The following SNTB2 variants were observed in gnomAD, a reference collection of about 807,000 sequenced individuals.
SNTB2 encodes beta-2-syntrophin.
SNTB2 carries 34 observed loss-of-function variants against 46.2 expected under a neutral mutation model. The ratio of observed to expected loss-of-function variants is 0.74; its 90% CI spans 0.56 to 0.98. The LOEUF (loss-of-function observed/expected upper bound fraction) is 0.98. SNTB2 is among the 50% of genes least tolerant of loss of function. SNTB2 has a pLI of 0.00. For missense variants in SNTB2, 603 were observed against 731.4 expected (o/e 0.82, Z 2.02); for synonymous variants, 290 against 312.6 (o/e 0.93, Z 0.76).
At chr16:69,233,346 C>G (rs998353363) in intron 1 of SNTB2, among the ~76,000 whole-genome samples, 2 of 152,094 alleles carry the variant, frequency 1.3e-5, no homozygotes, top group Admixed American at 6.6e-5. Context: ...CCCAGTTCTT[C>G]AGACAAAATA....
chr16:69,263,902 GC>G, intron 3 of SNTB2, among the ~76,000 whole-genome samples: 1 of 145,000 alleles, frequency 6.9e-6, no homozygotes, highest in Non-Finnish European at 1.5e-5. Context: ...TCACTCTGTT[GC>G]CCAGAGTCTC....
intron 2 of SNTB2, among the ~76,000 whole-genome samples, chr16:69,257,226 T>G (rs1488948540): frequency 6.6e-6 from 1 of 150,776 alleles, no homozygotes; most frequent in Non-Finnish European, 1.5e-5. Context: ...CTATTCAAGA[T>G]CCTCTAAATT....
chr16:69,225,900 T>C lies in SNTB2; in HGVS notation c.581-19702T>C, dbSNP rs576126975. Among the ~76,000 whole-genome samples, 6 of 152,100 alleles carry C rather than the reference T, an allele frequency of 3.9e-5. No individual in the cohort carries two copies. The South Asian group carries it at 1.2e-3, about 32-fold the overall frequency. On this transcript the variant is annotated intron_variant, in intron 1 of 6. Coordinates refer to ENST00000336278, the MANE Select transcript of SNTB2 (RefSeq NM_006750.4). ...CTCCTACCTCGGCCTCCTGAGTAGC[T>C]GGGATTACAGGCGCCCGTCTCCACA...
rs1157170032 is a variant in SNTB2 at position 69,187,360 on chromosome 16, C to T, written c.194C>T (p.Pro65Leu). Residue 65 changes from proline (P) to leucine (L), a missense_variant, in exon 1 of 7, where the codon CCC becomes CTC. Pro to Leu is a moderately conservative substitution (Grantham distance 98). Coordinates refer to ENST00000336278, the MANE Select transcript of SNTB2 (RefSeq NM_006750.4). ...GCCGAGCTGGAGCCCGCTCTGGGAC[C>T]CGCGGCCGCCGCCTTCAACGGCCTC... ...AAAELEPALGPAAAAFNGLPN... is the reference protein window; with the variant it reads ...AAAELEPALGLAAAAFNGLPN... 13 of 1,395,700 alleles carry T rather than the reference C, an allele frequency of 9.3e-6. No homozygotes were observed. Among genetic ancestry groups the T allele is most frequent in the African/African-American group, 1.5e-5 (1 of 66,996 alleles). 86.5% of individuals were successfully genotyped at this position (1,395,700 alleles called of 1,614,324 possible). A position where few individuals can be genotyped will look rare whatever the true frequency, so the allele number is the denominator to read the frequency against.
At chr16:69,259,110 A>T (rs565796186) in intron 2 of SNTB2, among the ~76,000 whole-genome samples, 1 of 151,916 alleles carries the variant, frequency 6.6e-6, no homozygotes, top group African/African-American at 2.4e-5. Flanking sequence ...AAAGTGATCT[A>T]CTGTAGACTC....
intron 1 of SNTB2, among the ~76,000 whole-genome samples, chr16:69,188,510 A>G (rs747622916): frequency 1.3e-5 from 2 of 152,214 alleles, no homozygotes; most frequent in African/African-American, 2.4e-5. Flanking sequence ...TCTTTACGTT[A>G]AGTTATATGT....
chr16:69,237,858 C>G (rs1485333233), intron 1 of SNTB2, among the ~76,000 whole-genome samples: 1 of 152,140 alleles, frequency 6.6e-6, no homozygotes, highest in Non-Finnish European at 1.5e-5. Context: ...CTGCCTCGGC[C>G]TCCCAAAGTG....
intron 4 of SNTB2, among the ~76,000 whole-genome samples, chr16:69,282,977 C>T (rs1965064488): frequency 1.3e-5 from 2 of 152,168 alleles, no homozygotes; most frequent in African/African-American, 2.4e-5. Flanking sequence ...CAGGGTCTCA[C>T]TCTGTTGCCA....
chr16:69,236,203 GT>G (rs1286236871), intron 1 of SNTB2, among the ~76,000 whole-genome samples: 1 of 152,160 alleles, frequency 6.6e-6, no homozygotes, highest in African/African-American at 2.4e-5. Flanking sequence ...AGAAGAGATG[GT>G]TGGAAAGATG....
chr16:69,207,518 AT>A (rs1964235750), intron 1 of SNTB2, among the ~76,000 whole-genome samples: 2 of 152,198 alleles, frequency 1.3e-5, no homozygotes, highest in South Asian at 4.1e-4. Flanking sequence ...TTGACCAATT[AT>A]AAAGTAGATA....
intron 5 of SNTB2, among the ~76,000 whole-genome samples, chr16:69,291,033 G>A (rs1965154694): frequency 6.6e-6 from 1 of 152,208 alleles, no homozygotes; most frequent in African/African-American, 2.4e-5. Flanking sequence ...TAAGTAAGAT[G>A]TACTTCATGC....
At chr16:69,269,344 C>A (rs544531354) in intron 3 of SNTB2, among the ~76,000 whole-genome samples, 1 of 151,304 alleles carries the variant, frequency 6.6e-6, no homozygotes, top group South Asian at 2.1e-4. Context: ...TGGTGAAACC[C>A]CATCTCTACT....
Position 69,187,760 on chromosome 16 carries a change from G to A in SNTB2, c.580+14G>A. 3.6e-6 allele frequency: 5 copies of A among 1,399,014 alleles called. No individual in the cohort carries two copies. Among genetic ancestry groups the A allele is most frequent in the Non-Finnish European group, 4.6e-6 (5 of 1,077,300 alleles). 86.7% of individuals were successfully genotyped at this position (1,399,014 alleles called of 1,614,324 possible). The stretch of plus-strand genomic sequence containing the variant: ...TGCTGCTGGAGGGTGAGCGGGGCCG[G>A]GCGGGAGGGTGGGCAGGCCGCGGCG... On this transcript the variant is annotated intron_variant, in intron 1 of 6. Transcript: ENST00000336278.
intron 4 of SNTB2, 69 bp from the exon 5 acceptor site, chr16:69,283,979 G>A (rs764635998): frequency 2.4e-5 from 34 of 1,409,090 alleles, no homozygotes; most frequent in Non-Finnish European, 3.2e-5. Context: ...TTATCAATGA[G>A]CACAAATTCC....
At chr16:69,244,329 C>T (rs892523158) in intron 1 of SNTB2, among the ~76,000 whole-genome samples, 4 of 152,160 alleles carry the variant, frequency 2.6e-5, no homozygotes, top group Admixed American at 6.5e-5. Context: ...CAGATATACA[C>T]GCATGTGTAT....
chr16:69,280,014 C>A (rs1043510492), intron 4 of SNTB2, among the ~76,000 whole-genome samples: 1 of 152,080 alleles, frequency 6.6e-6, no homozygotes, highest in Non-Finnish European at 1.5e-5. Flanking sequence ...TGCGGCCTTC[C>A]GCAGTGTTTG....
intron 5 of SNTB2, among the ~76,000 whole-genome samples, chr16:69,285,824 A>G (rs953274294): frequency 3.3e-5 from 4 of 120,928 alleles, no homozygotes; most frequent in East Asian, 2.6e-4. Context: ...ATGGAGTCTC[A>G]CTCTGTCGCC....
intron 5 of SNTB2, among the ~76,000 whole-genome samples, chr16:69,295,107 C>T (rs145874598): frequency 0.022 from 3,284 of 152,136 alleles, 123 homozygotes; most frequent in African/African-American, 0.075. Flanking sequence ...AGGTGTGAGC[C>T]ACTGCGCCCA....
chr16:69,209,064 G>A (rs1964253304), intron 1 of SNTB2, among the ~76,000 whole-genome samples: 2 of 151,900 alleles, frequency 1.3e-5, no homozygotes, highest in African/African-American at 2.4e-5. Flanking sequence ...TGCAAGCTCC[G>A]CCTCCCAGGT....
Sources: allele counts gnomAD v4.1 joint callset (sites outside exome capture counted in the v4.1 genomes callset), GRCh38; gene constraint gnomAD v4.1.1; transcripts MANE v1.5; gene names NCBI Gene and HGNC (gene_info 2026-07-23, HGNC 2026-07-21).